The following PRKCG variants were observed in gnomAD, a reference collection of about 807,000 sequenced individuals.
The protein encoded by PRKCG is protein kinase C gamma type.
A neutral mutation model predicts 82.0 loss-of-function variants in PRKCG; 28 were observed. The ratio of observed to expected loss-of-function variants is 0.34; its 90% CI spans 0.25 to 0.47. The LOEUF (loss-of-function observed/expected upper bound fraction) is 0.47, where lower values mean the gene tolerates loss of function less well. PRKCG is among the 20% of genes least tolerant of loss of function. PRKCG has a pLI of 1.00. For synonymous variants in PRKCG, 383 were observed against 376.6 expected (o/e 1.02, Z -0.20); for missense variants, 640 against 952.7 (o/e 0.67, Z 4.32).
Position 53,889,978 on chromosome 19 carries a change from G to T in PRKCG, c.490G>T (p.Glu164Ter), listed in dbSNP as rs1246087299. 6.4e-7 allele frequency: 1 copy of T among 1,573,112 alleles called. No homozygotes were observed. The highest frequency in any genetic ancestry group is 8.6e-7 in the Non-Finnish European group (1 of 1,161,152). ...HTERRGRLQL[E>*]IRAPTADEIH... ...CGAGCGCCGCGGGCGCCTGCAGCTGGAGATCCGGGCTCCCACAGCAGATGA... is the reference window on the plus strand; with the variant it reads ...CGAGCGCCGCGGGCGCCTGCAGCTGTAGATCCGGGCTCCCACAGCAGATGA... Residue 164 changes from glutamate (E) to a stop codon, truncating the protein, a stop_gained, in exon 5 of 18, where the codon GAG becomes TAG. Transcript: ENST00000263431. LOFTEE classifies it high-confidence loss of function. This position sits in a 1 kb window ranked among gnomAD's most constrained non-coding sequence, Gnocchi z 4.4.
At chr19:53,904,863 A>G in intron 16 of PRKCG, 121 bp downstream of exon 16, 1 of 818,340 alleles carries the variant, frequency 1.2e-6, no homozygotes, top group South Asian at 1.4e-5. Context: ...CTGTTGGAAA[A>G]GTTGATATGA....
chr19:53,891,300 G>A (rs974917755), intron 5 of PRKCG, among the ~76,000 whole-genome samples: 4 of 146,606 alleles, frequency 2.7e-5, no homozygotes, highest in African/African-American at 7.6e-5. Context: ...TTTTTGAGAC[G>A]GAGTCTCGCT....
At chr19:53,906,592 C>T (rs1419660861) in intron 17 of PRKCG, 115 bp from the exon 18 acceptor site, 1 of 1,549,398 alleles carries the variant, frequency 6.5e-7, no homozygotes, top group Non-Finnish European at 8.9e-7. Flanking sequence ...GTGCAGACAC[C>T]ATGAAGCATG....
intron 9 of PRKCG, among the ~76,000 whole-genome samples, chr19:53,895,804 C>A (rs2068713612): frequency 6.6e-6 from 1 of 152,094 alleles, no homozygotes; most frequent in Admixed American, 6.5e-5. Flanking sequence ...TCACGCCTGT[C>A]ATCCCAGCAC....
chr19:53,890,602 G>C (rs1317772519), intron 5 of PRKCG, among the ~76,000 whole-genome samples: 1 of 150,852 alleles, frequency 6.6e-6, no homozygotes, highest in Non-Finnish European at 1.5e-5. Context: ...ATTTTTTTGA[G>C]ATGGAGTCTT....
chr19:53,904,551 C>G (rs2123025341), intron 15 of PRKCG, 84 bp from the exon 16 acceptor site: 1 of 1,204,892 alleles, frequency 8.3e-7, no homozygotes, highest in East Asian at 2.5e-5. Context: ...CAGGCATGTT[C>G]CCGGTGGGGT....
rs2068729809 is a variant in PRKCG, at chr19:53,897,995, T to A, written c.976T>A (p.Ser326Thr). 1 of 1,613,886 alleles carries A rather than the reference T, an allele frequency of 6.2e-7. No homozygotes were observed. Among genetic ancestry groups the A allele is most frequent in the African/African-American group, 1.3e-5 (1 of 74,868 alleles). ...RMGPSSSPIP[S>T]PSPSPTDPKR... The stretch of plus-strand genomic sequence containing the variant: ...GGGCCCCTCTTCCTCTCCCATCCCC[T>A]CCCCTTCCCCTAGTCCCACCGACCC... The change falls in exon 10 of 18, where the codon TCC (serine) becomes ACC (threonine). Residue 326 changes from serine to threonine, a missense_variant. By Grantham distance (58) the Ser-to-Thr change is moderately conservative. Transcript: ENST00000263431.
chr19:53,884,091 T>C lies in PRKCG; in HGVS notation c.203-70T>C. 6.7e-7 allele frequency: 1 copy of C among 1,482,278 alleles called. No homozygotes were observed. Among genetic ancestry groups the C allele is most frequent in the African/African-American group, 1.4e-5 (1 of 72,262 alleles). 91.8% of individuals were successfully genotyped at this position (1,482,278 alleles called of 1,614,324 possible). ...GAGTTCCGCTCTCTCTTTCCAATTTTCTGTCTGCTGGGGTCTCCCGCTGGA... is the reference window on the plus strand; with the variant it reads ...GAGTTCCGCTCTCTCTTTCCAATTTCCTGTCTGCTGGGGTCTCCCGCTGGA... On this transcript the variant is annotated intron_variant, in intron 2 of 17. Coordinates refer to ENST00000263431, the MANE Select transcript of PRKCG (RefSeq NM_002739.5). The surrounding 1 kb of genome is among the most constrained non-coding windows in gnomAD (Gnocchi z 4.6).
At chr19:53,894,167 G>C (rs942662074) in intron 9 of PRKCG, among the ~76,000 whole-genome samples, 1 of 152,106 alleles carries the variant, frequency 6.6e-6, no homozygotes, top group African/African-American at 2.4e-5. Flanking sequence ...CTGGGTTCAC[G>C]CCATTCTCCT....
At chr19:53,902,977 C>T in intron 14 of PRKCG, 96 bp from the exon 15 acceptor site, 1 of 794,996 alleles carries the variant, frequency 1.3e-6, no homozygotes, top group South Asian at 1.3e-5. Context: ...GTGCTGAAAG[C>T]ACTTAACGTG....
chr19:53,903,199 A>C, intron 15 of PRKCG, 46 bp downstream of exon 15: 1 of 1,486,272 alleles, frequency 6.7e-7, no homozygotes, highest in South Asian at 1.1e-5. Flanking sequence ...AGAGACAGAG[A>C]GGGGCACCTG....
At position 53,900,520 on chromosome 19, in the gene PRKCG, C is replaced by T. The variant is rs1183443239; in HGVS notation, c.1436+39C>T. ...GGAATTTCCGTGGAGGAAATCACGC[C>T]CCTGGAAGGGAAGGGATTTGAATAT... On this transcript the variant is annotated intron_variant, in intron 13 of 17. Transcript: ENST00000263431. This position sits in a 1 kb window ranked among gnomAD's most constrained non-coding sequence, Gnocchi z 4.2. The T allele has an allele frequency of 6.8e-6, 11 of 1,614,064 alleles. No homozygotes were observed. The highest frequency in any genetic ancestry group is 9.3e-6 in the Non-Finnish European group (11 of 1,179,978).
Position 53,893,386 on chromosome 19 carries a change from T to C in PRKCG, c.934T>C (p.Tyr312His), listed in dbSNP as rs773315203. 2 of 1,613,610 alleles carry C rather than the reference T, an allele frequency of 1.2e-6. No individual in the cohort carries two copies. Among genetic ancestry groups the C allele is most frequent in the Non-Finnish European group, 1.7e-6 (2 of 1,179,498 alleles). Residue 312 changes from tyrosine to histidine, a missense_variant, in exon 9 of 18, where the codon TAT becomes CAT. This residue lies in a region of PRKCG where 261 missense variants were observed against 312.1 expected (regional missense o/e 0.84). Coordinates refer to ENST00000263431, the MANE Select transcript of PRKCG (RefSeq NM_002739.5). ...FEACNYPLELYERVRMGPSSS... is the reference protein window; with the variant it reads ...FEACNYPLELHERVRMGPSSS... ...GGCTTGTAACTACCCCCTGGAATTGTATGAGGTGAGTAGAACCAGGGCGTT... is the reference window on the plus strand; with the variant it reads ...GGCTTGTAACTACCCCCTGGAATTGCATGAGGTGAGTAGAACCAGGGCGTT...
chr19:53,892,538 G>A lies in PRKCG; in HGVS notation c.716G>A (p.Arg239Gln), dbSNP rs760409355. The change falls in exon 7 of 18, where the codon CGG (arginine) becomes CAG (glutamine). Residue 239 changes from arginine to glutamine, a missense_variant. Around this residue, in one of 7 missense-constraint regions of PRKCG, gnomAD observed 261 missense variants for 312.1 expected, o/e 0.84. Coordinates refer to ENST00000263431, the MANE Select transcript of PRKCG (RefSeq NM_002739.5). The surrounding 1 kb of genome is among the most constrained non-coding windows in gnomAD (Gnocchi z 5.9). ...CTGAAGCCAGGGGATGTGGAGCGCC[G>A]GCTCAGCGTGGAGGTGTGGGACTGG... ...FNLKPGDVERRLSVEVWDWDR... is the reference protein window; with the variant it reads ...FNLKPGDVERQLSVEVWDWDR... The A allele has an allele frequency of 3.1e-6, 5 of 1,613,066 alleles. No individual in the cohort carries two copies. Among genetic ancestry groups the A allele is most frequent in the Non-Finnish European group, 3.4e-6 (4 of 1,179,856 alleles).
rs895568857 is a variant in PRKCG at position 53,893,586 on chromosome 19, C to T, written c.939+195C>T. ...CTCAAGCAACTCTCCAAGGTAGGGA[C>T]ACAGTCACAGATACTTAAAATACAG... On this transcript the variant is annotated intron_variant, in intron 9 of 17. Transcript: ENST00000263431. 9.8e-6 allele frequency: 7 copies of T among 711,912 alleles called. No homozygotes were observed. The African/African-American group carries it at 1.1e-4, about 11-fold the overall frequency. The allele number at this position is 711,912 out of a possible 1,614,324, so 44.1% of individuals were successfully genotyped here.
At position 53,883,271 on chromosome 19, in the gene PRKCG, A is replaced by G. The variant is rs2068606583; in HGVS notation, c.202+77A>G. 1 of 1,555,854 alleles carries G rather than the reference A, an allele frequency of 6.4e-7. No individual in the cohort carries two copies. The highest frequency in any genetic ancestry group is 8.9e-7 in the Non-Finnish European group (1 of 1,129,628). ...GGCCCCACAGCTGAGGCTGCTTGACACACGTGTTCTCTGGTCCCCAGAGAG... is the reference window on the plus strand; with the variant it reads ...GGCCCCACAGCTGAGGCTGCTTGACGCACGTGTTCTCTGGTCCCCAGAGAG... On this transcript the variant is annotated intron_variant, in intron 2 of 17. Transcript: ENST00000263431. This position sits in a 1 kb window ranked among gnomAD's most constrained non-coding sequence, Gnocchi z 5.4.
At chr19:53,904,809 C>G in intron 16 of PRKCG, 67 bp downstream of exon 16, 1 of 1,333,778 alleles carries the variant, frequency 7.5e-7, no homozygotes, top group Non-Finnish European at 1.1e-6. Context: ...GTCTCTGTGC[C>G]TATTAGAAAA....
chr19:53,897,352 G>T (rs1319649466), intron 9 of PRKCG, among the ~76,000 whole-genome samples: 6 of 152,152 alleles, frequency 3.9e-5, no homozygotes, highest in Non-Finnish European at 7.3e-5. Context: ...CCCTCCCTGG[G>T]GGGCCGAGGC....
chr19:53,897,725 TAA>T (rs1013480316), intron 9 of PRKCG, among the ~76,000 whole-genome samples: 1 of 136,736 alleles, frequency 7.3e-6, no homozygotes, highest in Non-Finnish European at 1.6e-5. Flanking sequence ...ATAAGCTATC[TAA>T]AAAAAAAAAA....
Sources: gnomAD v4.1 joint callset for allele counts (sites outside exome capture counted in the v4.1 genomes callset) on GRCh38, gnomAD v4.1.1 for gene constraint, gnomAD v4.1.1 regional missense constraint, Gnocchi (gnomAD v3.1) non-coding constraint, MANE v1.5 for transcripts, NCBI Gene and HGNC (gene_info 2026-07-23, HGNC 2026-07-21) for gene names.